PLCB1: variants seen among roughly 807,000 people sequenced by gnomAD.
PLCB1 encodes the protein 1-phosphatidylinositol 4,5-bisphosphate phosphodiesterase beta-1.
A neutral mutation model predicts 161.8 loss-of-function variants in PLCB1; 46 were observed. The ratio of observed to expected loss-of-function variants is 0.28; its 90% CI spans 0.22 to 0.36. PLCB1 has a LOEUF of 0.36. Among genes scored for constraint, PLCB1 ranks in the 10% least tolerant of loss-of-function variants. The pLI is 1.00. For synonymous variants in PLCB1, 517 were observed against 503.7 expected, an observed-to-expected ratio of 1.03 and a Z score of -0.35; for missense variants, 1,016 against 1,472.5, an observed-to-expected ratio of 0.69 and a Z score of 5.07.
intron 26 of PLCB1, among the ~76,000 whole-genome samples, chr20:8,768,700 AG>A (rs1316627906): frequency 6.6e-6 from 1 of 152,224 alleles, no homozygotes; most frequent in Admixed American, 6.5e-5. Flanking sequence ...ACAAGGCCAT[AG>A]TGACAGTGAG....
intron 4 of PLCB1, among the ~76,000 whole-genome samples, chr20:8,641,791 G>C (rs545073209): frequency 3.9e-5 from 6 of 152,236 alleles, no homozygotes; most frequent in Admixed American, 3.9e-4. Context: ...CGTCAGTAAG[G>C]AAAAGAAAAA....
At chr20:8,793,408 C>T (rs576071550) in intron 31 of PLCB1, among the ~76,000 whole-genome samples, 17 of 152,134 alleles carry the variant, frequency 1.1e-4, no homozygotes, top group Non-Finnish European at 2.2e-4. Context: ...GAATCTGCCC[C>T]GATATTCACG....
chr20:8,596,785 TG>T (rs1987364503), intron 3 of PLCB1, among the ~76,000 whole-genome samples: 1 of 103,398 alleles, frequency 9.7e-6, no homozygotes, highest in Non-Finnish European at 2.0e-5. Flanking sequence ...CCTTGAGCAG[TG>T]GTTTGTAGTT....
intron 25 of PLCB1, among the ~76,000 whole-genome samples, chr20:8,760,943 A>C (rs975539342): frequency 6.6e-6 from 1 of 152,242 alleles, no homozygotes; most frequent in African/African-American, 2.4e-5. Flanking sequence ...TACAATTAGC[A>C]GTATGTAGTG....
intron 3 of PLCB1, among the ~76,000 whole-genome samples, chr20:8,612,766 A>G (rs1600191912): frequency 6.6e-6 from 1 of 152,196 alleles, no homozygotes; most frequent in African/African-American, 2.4e-5. Flanking sequence ...AATTAATGAC[A>G]CAGCCATACT....
At chr20:8,425,741 A>AT (rs1366650294) in intron 3 of PLCB1, among the ~76,000 whole-genome samples, 7 of 152,180 alleles carry the variant, frequency 4.6e-5, no homozygotes, top group Non-Finnish European at 1.0e-4. Flanking sequence ...ATTCCCAGCT[A>AT]TGGTGGTCTA....
intron 15 of PLCB1, among the ~76,000 whole-genome samples, 200 bp downstream of exon 15, chr20:8,722,621 C>T (rs1350787534): frequency 6.6e-6 from 1 of 152,102 alleles, no homozygotes; most frequent in Non-Finnish European, 1.5e-5. Flanking sequence ...GAAAAATGAT[C>T]AGAACTGTGA....
intron 9 of PLCB1, among the ~76,000 whole-genome samples, chr20:8,663,878 T>C (rs1989746365): frequency 6.6e-6 from 1 of 152,136 alleles, no homozygotes; most frequent in South Asian, 2.1e-4. Context: ...AATATCGTAC[T>C]TTCAAGATCA....
At chr20:8,853,900 C>G (rs2091572702) in intron 31 of PLCB1, among the ~76,000 whole-genome samples, 1 of 152,182 alleles carries the variant, frequency 6.6e-6, no homozygotes, top group Non-Finnish European at 1.5e-5. Context: ...CTCCCAAGCT[C>G]TAACCATTTA....
rs118059377 is a variant in PLCB1 at position 8,164,118 on chromosome 20, G to A, written c.177+13747G>A. ...CTGAGGTCCCTCTCTGACTTAAAAG[G>A]CTATTATTCCAAAGTGACTTTCAGG... is the stretch of plus-strand genomic sequence containing the variant. On this transcript the variant is annotated intron_variant, in intron 2 of 31. Transcript: ENST00000338037. Among the ~76,000 whole-genome samples the A allele has an allele frequency of 9.4e-3, 1,436 of 152,282 alleles. 10 individuals carry two copies. Among genetic ancestry groups the A allele is most frequent in the Non-Finnish European group, 0.016 (1,063 of 68,026 alleles).
chr20:8,802,913 A>G (rs1158191377), intron 31 of PLCB1, among the ~76,000 whole-genome samples: 1 of 152,202 alleles, frequency 6.6e-6, no homozygotes, highest in Non-Finnish European at 1.5e-5. Context: ...CATTCCAAAG[A>G]GTGTGCAATT....
chr20:8,705,437 A>C (rs1056128577), intron 11 of PLCB1, among the ~76,000 whole-genome samples: 7 of 152,236 alleles, frequency 4.6e-5, no homozygotes, highest in Non-Finnish European at 8.8e-5. Flanking sequence ...GAAGAAAACA[A>C]GTTCTTACCT....
chr20:8,481,758 T>C (rs75201482), intron 3 of PLCB1, among the ~76,000 whole-genome samples: 2 of 152,164 alleles, frequency 1.3e-5, no homozygotes, highest in Non-Finnish European at 2.9e-5. Flanking sequence ...CTGACCATCA[T>C]GGAGTAAGCA....
rs191621233 is a variant in PLCB1 at position 8,368,545 on chromosome 20, A to G, written c.178-2837A>G. 1.8e-3 allele frequency among the ~76,000 whole-genome samples: 274 copies of G among 150,758 alleles called. 1 individual carries two copies. In the East Asian group the frequency reaches 0.018, roughly 10 times the overall value. Reference sequence around the variant, plus strand: ...CTGTCTCTCAAAAAAAAAAAAAAAAAAAAAAGAAAAAGAAAAAATAAAAGA... The same window carrying G: ...CTGTCTCTCAAAAAAAAAAAAAAAAGAAAAAGAAAAAGAAAAAATAAAAGA... On this transcript the variant is annotated intron_variant, in intron 2 of 31. Transcript: ENST00000338037.
Position 8,235,205 on chromosome 20 carries a change from G to C in PLCB1, c.177+84834G>C, listed in dbSNP as rs540956222. 3.3e-5 allele frequency among the ~76,000 whole-genome samples: 5 copies of C among 152,174 alleles called. No homozygotes were observed. In the East Asian group the frequency reaches 9.7e-4, roughly 29 times the overall value. On this transcript the variant is annotated intron_variant, in intron 2 of 31. Transcript: ENST00000338037. ...CATTTAGAGATATATGTGGAGCTTA[G>C]AGAGAATAAAAATATAATGTGCATT...
intron 9 of PLCB1, 134 bp downstream of exon 9, chr20:8,658,838 C>T: frequency 1.4e-6 from 1 of 702,146 alleles, no homozygotes. Flanking sequence ...GGTCTGAAAT[C>T]ACTTGGTGGT....
At chr20:8,589,556 T>C (rs1488233885) in intron 3 of PLCB1, among the ~76,000 whole-genome samples, 3 of 151,952 alleles carry the variant, frequency 2.0e-5, no homozygotes, top group Admixed American at 6.6e-5. Flanking sequence ...CATCTTCTTA[T>C]TGTGTCCTCA....
In PLCB1 at chr20:8,628,392, C is replaced by T. The variant is rs756143193; in HGVS notation, c.345C>T (p.Ser115=). 6.2e-6 allele frequency: 10 copies of T among 1,614,048 alleles called. No individual in the cohort carries two copies. The Admixed American group carries it at 1.3e-4, about 22-fold the overall frequency. ...ATGGGCCTGACCTCGTGAACATCTC[C>T]CATTTGAATCTCGTGGCTTTCCAAG... The part of the protein sequence containing the change: ...VVYGPDLVNI[S]HLNLVAFQEE... The change falls in exon 4 of 32, where the codon TCC becomes TCT. Residue 115 remains serine (S), a synonymous_variant. Coordinates refer to ENST00000338037, the MANE Select transcript of PLCB1 (RefSeq NM_015192.4).
intron 2 of PLCB1, among the ~76,000 whole-genome samples, chr20:8,270,904 AT>A (rs1451566965): frequency 6.6e-6 from 1 of 152,146 alleles, no homozygotes; most frequent in African/African-American, 2.4e-5. Flanking sequence ...CTGTTACATA[AT>A]TGGCCTCAAT....
Sources: allele counts gnomAD v4.1 joint callset (sites outside exome capture counted in the v4.1 genomes callset), GRCh38; gene constraint gnomAD v4.1.1; transcripts MANE v1.5; gene names NCBI Gene and HGNC (gene_info 2026-07-23, HGNC 2026-07-21).